The following CDC7 variants were observed in gnomAD, a reference collection of about 807,000 sequenced individuals.
The protein encoded by CDC7 is cell division cycle 7.
Under a neutral mutation model 53.5 loss-of-function variants are expected in CDC7, and 34 were observed. The ratio of observed to expected loss-of-function variants is 0.64; its 90% CI spans 0.48 to 0.85. The LOEUF (loss-of-function observed/expected upper bound fraction) is 0.85, where lower values mean the gene tolerates loss of function less well. Ranked by LOEUF, CDC7 falls within the 40% of genes least tolerant of loss-of-function variation. CDC7 has a pLI of 0.00. For missense variants in CDC7, 594 were observed against 679.7 expected, an observed-to-expected ratio of 0.87 and a Z score of 1.40; for synonymous variants, 211 against 222.8, an observed-to-expected ratio of 0.95 and a Z score of 0.47.
intron 2 of CDC7, among the ~76,000 whole-genome samples, chr1:91,503,233 C>T (rs757299275): frequency 6.6e-6 from 1 of 152,032 alleles, no homozygotes; most frequent in African/African-American, 2.4e-5. Flanking sequence ...AGTTTTGTAG[C>T]GTTTATGTAA....
At chr1:91,511,950 A>G in intron 6 of CDC7, 27 bp downstream of exon 6, 1 of 1,501,358 alleles carries the variant, frequency 6.7e-7, no homozygotes, top group Non-Finnish European at 9.1e-7. Flanking sequence ...ACTAGAAAAT[A>G]TTTATCCTAT....
intron 3 of CDC7, 120 bp from the exon 4 acceptor site, chr1:91,508,142 A>G: frequency 2.5e-6 from 2 of 788,390 alleles, no homozygotes; most frequent in South Asian, 4.9e-5. Flanking sequence ...ATTTACTGTA[A>G]AATGAAGTCC....
intron 11 of CDC7, among the ~76,000 whole-genome samples, chr1:91,520,659 A>G (rs1667891084): frequency 6.6e-6 from 1 of 152,182 alleles, no homozygotes; most frequent in Admixed American, 6.5e-5. Context: ...TTTAAACATC[A>G]GATGCACTAT....
At chr1:91,519,841 TTAAA>T (rs894128364) in intron 10 of CDC7, among the ~76,000 whole-genome samples, 1 of 152,230 alleles carries the variant, frequency 6.6e-6, no homozygotes, top group African/African-American at 2.4e-5. Context: ...TTCCTAGTGA[TTAAA>T]TATCCTTTTA....
chr1:91,509,689 T>C (rs1557590085), intron 4 of CDC7, among the ~76,000 whole-genome samples: 1 of 152,164 alleles, frequency 6.6e-6, no homozygotes. Context: ...AATATATATG[T>C]ATATAACTTA....
chr1:91,524,068 T>C lies in CDC7; in HGVS notation c.1358T>C (p.Val453Ala), dbSNP rs1249494270. 3 of 1,603,642 alleles carry C rather than the reference T, an allele frequency of 1.9e-6. No individual in the cohort carries two copies. The highest frequency in any genetic ancestry group is 2.6e-6 in the Non-Finnish European group (3 of 1,175,150). The change falls in exon 12 of 12, where the codon GTT becomes GCT. Residue 453 changes from valine to alanine, a missense_variant. By Grantham distance (64) the Val-to-Ala change is moderately conservative (BLOSUM62 0). Transcript: ENST00000234626. ...AAATCAATATTATGTAGCAAAGAAGTTCCAGCACAAGACTTGAGAAAACTC... is the reference window on the plus strand; with the variant it reads ...AAATCAATATTATGTAGCAAAGAAGCTCCAGCACAAGACTTGAGAAAACTC... Reference protein sequence around the residue: ...FGKSILCSKEVPAQDLRKLCE... With the variant: ...FGKSILCSKEAPAQDLRKLCE...
rs749316780 is a variant in CDC7 at position 91,508,393 on chromosome 1, G to A, written c.331G>A (p.Ala111Thr). 12 of 1,605,698 alleles carry A rather than the reference G, an allele frequency of 7.5e-6. No homozygotes were observed. The highest frequency in any genetic ancestry group is 6.8e-5 in the Admixed American group (4 of 58,432). ...AGCTGAACTTCAGTGCCTAACAGTG[G>A]CTGGGTAGGCAATTTAAACATATTT... ...IAAELQCLTV[A>T]GGQDNVMGVK... Residue 111 changes from alanine (A) to threonine (T), a missense_variant, in exon 4 of 12, where the codon GCT becomes ACT. By Grantham distance (58) the Ala-to-Thr change is moderately conservative. Coordinates refer to ENST00000234626, the MANE Select transcript of CDC7 (RefSeq NM_003503.4).
Position 91,514,944 on chromosome 1 carries a change from C to G in CDC7, c.1044C>G (p.Ser348Arg). The change falls in exon 9 of 12, where the codon AGC becomes AGG. Residue 348 changes from serine (S) to arginine (R), a missense_variant. Transcript: ENST00000234626. ...MRKTASSCPASLTCDCYATDK... is the reference protein window; with the variant it reads ...MRKTASSCPARLTCDCYATDK... ...AAACTGCCAGTTCTTGCCCAGCTAG[C>G]CTGACCTGTGACTGCTATGCAACAG... 1 of 1,613,830 alleles carries G rather than the reference C, an allele frequency of 6.2e-7. No individual in the cohort carries two copies. Among genetic ancestry groups the G allele is most frequent in the Non-Finnish European group, 8.5e-7 (1 of 1,179,818 alleles).
At chr1:91,514,581 A>C (rs1210006826) in intron 8 of CDC7, among the ~76,000 whole-genome samples, 1 of 152,220 alleles carries the variant, frequency 6.6e-6, no homozygotes, top group South Asian at 2.1e-4. Flanking sequence ...GTTCTAATAA[A>C]GTATAACTCA....
At position 91,515,866 on chromosome 1, in the gene CDC7, T is replaced by A; in HGVS notation, c.1170T>A (p.Asn390Lys). The change falls in exon 10 of 12, where the codon AAT becomes AAA. Residue 390 changes from asparagine (N) to lysine (K), a missense_variant. Asn to Lys is a moderately conservative substitution (Grantham distance 94). Coordinates refer to ENST00000234626, the MANE Select transcript of CDC7 (RefSeq NM_003503.4). Reference sequence around the variant, plus strand: ...CAGAGGTCTTGACAAAGTGCCCCAATCAAACTACAGGTATGTTGTACTGGA... The same window carrying A: ...CAGAGGTCTTGACAAAGTGCCCCAAACAAACTACAGGTATGTTGTACTGGA... ...RAPEVLTKCP[N>K]QTTAIDMWSA... 1 of 1,613,176 alleles carries A rather than the reference T, an allele frequency of 6.2e-7. No individual in the cohort carries two copies. Among genetic ancestry groups the A allele is most frequent in the Non-Finnish European group, 8.5e-7 (1 of 1,179,262 alleles).
At chr1:91,518,241 C>T (rs962836181) in intron 10 of CDC7, among the ~76,000 whole-genome samples, 4 of 150,656 alleles carry the variant, frequency 2.7e-5, no homozygotes, top group African/African-American at 7.3e-5. Flanking sequence ...TTGAGCTAGT[C>T]GTAATCTTTA....
rs1355080239 is a variant in CDC7, at chr1:91,516,063, A to T, written c.1180+187A>T. Among the ~76,000 whole-genome samples the T allele has an allele frequency of 2.0e-5, 3 of 151,956 alleles. No individual in the cohort carries two copies. The East Asian group carries it at 5.8e-4, about 29-fold the overall frequency. The stretch of plus-strand genomic sequence containing the variant: ...TTCTTTATGAAAGTTTTTAATCCTA[A>T]TGTTGCCTCTCTTTTTTTGTTTAAA... On this transcript the variant is annotated intron_variant, in intron 10 of 11. Coordinates refer to ENST00000234626, the MANE Select transcript of CDC7 (RefSeq NM_003503.4).
At chr1:91,505,886 A>C (rs1313625027) in intron 2 of CDC7, among the ~76,000 whole-genome samples, 2 of 152,114 alleles carry the variant, frequency 1.3e-5, no homozygotes, top group Admixed American at 1.3e-4. Flanking sequence ...AGTACCCTTA[A>C]TGTTTCTCCT....
Position 91,510,586 on chromosome 1 carries a change from C to T in CDC7, c.336-1011C>T, listed in dbSNP as rs536373067. On this transcript the variant is annotated intron_variant, in intron 4 of 11. Coordinates refer to ENST00000234626, the MANE Select transcript of CDC7 (RefSeq NM_003503.4). ...AGAATGCTTGCATACATTCTTGTAC[C>T]CTAAATATGATCATTTCTTTTTCTA... Among the ~76,000 whole-genome samples the T allele has an allele frequency of 2.6e-5, 4 of 152,084 alleles. No individual in the cohort carries two copies. The South Asian group carries it at 6.2e-4, about 24-fold the overall frequency.
chr1:91,524,325 C>T lies in CDC7; in HGVS notation c.1615C>T (p.Pro539Ser), dbSNP rs1390594382. The T allele has an allele frequency of 6.2e-7, 1 of 1,613,714 alleles. No individual in the cohort carries two copies. The change falls in exon 12 of 12, where the codon CCT (proline) becomes TCT (serine). Residue 539 changes from proline (P) to serine (S), a missense_variant. Physicochemically the swap from Pro to Ser is moderately conservative, Grantham distance 74 (BLOSUM62 -1). Transcript: ENST00000234626. ...CAATTTAGAAGGCTGGAATGAGGTA[C>T]CTGATGAAGCTTATGACCTGCTTGA... is the stretch of plus-strand genomic sequence containing the variant. ...NTNLEGWNEV[P>S]DEAYDLLDKL... is the part of the protein sequence containing the mutation.
rs1354275088 is a variant in CDC7, at chr1:91,514,982, G to A, written c.1082G>A (p.Ser361Asn). The change falls in exon 9 of 12, where the codon AGT (serine) becomes AAT (asparagine). Residue 361 changes from serine (S) to asparagine (N), a missense_variant. Transcript: ENST00000234626. ...CDCYATDKVC[S>N]ICLSRRQQVA... Reference sequence around the variant, plus strand: ...TGCTATGCAACAGATAAAGTTTGTAGTATTTGCCTTTCAAGGTAATGTGTT... The same window carrying A: ...TGCTATGCAACAGATAAAGTTTGTAATATTTGCCTTTCAAGGTAATGTGTT... The A allele has an allele frequency of 1.2e-6, 2 of 1,607,912 alleles. No individual in the cohort carries two copies. Among genetic ancestry groups the A allele is most frequent in the African/African-American group, 1.3e-5 (1 of 74,488 alleles).
intron 1 of CDC7, chr1:91,501,341 CCCCGGCGCTCGG>C (rs1666658484): frequency 4.6e-6 from 1 of 216,748 alleles, no homozygotes; most frequent in Admixed American, 5.2e-5. Context: ...TTCAAACCGC[CCCCGGCGCTCGG>C]CCCCTCCCCC....
intron 8 of CDC7, 83 bp from the exon 9 acceptor site, chr1:91,514,736 G>A (rs1233955211): frequency 9.8e-6 from 10 of 1,025,280 alleles, no homozygotes; most frequent in Admixed American, 2.7e-5. Flanking sequence ...TTATGCTTCC[G>A]CTATTGCTTT....
intron 2 of CDC7, among the ~76,000 whole-genome samples, chr1:91,504,285 T>G (rs1666865143): frequency 6.6e-6 from 1 of 152,150 alleles, no homozygotes; most frequent in East Asian, 1.9e-4. Context: ...TTAAATATTT[T>G]TTTTAGAAAC....
Sources: gnomAD v4.1 joint callset for allele counts (sites outside exome capture counted in the v4.1 genomes callset) on GRCh38, gnomAD v4.1.1 for gene constraint, MANE v1.5 for transcripts, NCBI Gene and HGNC (gene_info 2026-07-23, HGNC 2026-07-21) for gene names.